The following DTNA variants were observed in gnomAD, a reference collection of about 807,000 sequenced individuals.
The protein encoded by DTNA is dystrophin-related protein 3.
In DTNA, 43 loss-of-function variants were observed where a neutral mutation model predicts 100.7. The ratio of observed to expected loss-of-function variants is 0.43; its 90% CI spans 0.33 to 0.55. The LOEUF is 0.55. Ranked by LOEUF, DTNA falls within the 20% of genes least tolerant of loss-of-function variation. The pLI, the probability that DTNA is intolerant of heterozygous loss-of-function variation, is 0.04. For missense variants in DTNA, 798 were observed against 953.9 expected (o/e 0.84, Z 2.15); for synonymous variants, 349 against 347.9 (o/e 1.00, Z -0.04).
intron 10 of DTNA, among the ~76,000 whole-genome samples, chr18:34,828,602 ATT>A (rs931051095): frequency 1.3e-5 from 2 of 151,992 alleles, no homozygotes. Context: ...AACACAGCTG[ATT>A]TTTTTTCCTC....
chr18:34,728,621 C>T (rs919695861), intron 1 of DTNA, among the ~76,000 whole-genome samples: 1 of 152,052 alleles, frequency 6.6e-6, no homozygotes, highest in Non-Finnish European at 1.5e-5. Flanking sequence ...GACTTGGGTA[C>T]AGTTGGCTGC....
At chr18:34,745,446 A>G (rs1471664348) in intron 1 of DTNA, among the ~76,000 whole-genome samples, 1 of 152,116 alleles carries the variant, frequency 6.6e-6, no homozygotes, top group Non-Finnish European at 1.5e-5. Flanking sequence ...ACTCTTTCTA[A>G]TATCTTCAAA....
chr18:34,741,025 G>A, intron 1 of DTNA, among the ~76,000 whole-genome samples: 1 of 152,114 alleles, frequency 6.6e-6, no homozygotes, highest in African/African-American at 2.4e-5. Context: ...TAACTTGGTG[G>A]AATTATAATA....
At chr18:34,540,340 T>G (rs576384737) in intron 1 of DTNA, among the ~76,000 whole-genome samples, 18 of 152,150 alleles carry the variant, frequency 1.2e-4, no homozygotes, top group African/African-American at 4.3e-4. Context: ...ATGTAGCTCC[T>G]AATAGTGGAT....
intron 1 of DTNA, among the ~76,000 whole-genome samples, chr18:34,664,902 C>CT (rs201334311): frequency 1.3e-5 from 2 of 151,762 alleles, no homozygotes. Context: ...TATGGGATCC[C>CT]TTTTTTTAAC....
intron 17 of DTNA, chr18:34,868,850 T>G (rs2096735700): frequency 1.2e-6 from 1 of 850,678 alleles, no homozygotes; most frequent in South Asian, 5.4e-5. Flanking sequence ...TTGTGTATCT[T>G]TAAGATTTAT....
chr18:34,657,002 G>A (rs958221624), intron 1 of DTNA, among the ~76,000 whole-genome samples: 3 of 151,894 alleles, frequency 2.0e-5, no homozygotes, highest in African/African-American at 4.8e-5. Context: ...TCAGCCTTCC[G>A]AGTACCTGGG....
At chr18:34,819,060 C>T (rs759727667) in intron 8 of DTNA, among the ~76,000 whole-genome samples, 3 of 152,156 alleles carry the variant, frequency 2.0e-5, no homozygotes, top group Non-Finnish European at 2.9e-5. Context: ...ATGTTGCCCT[C>T]GTGCATCTCT....
intron 1 of DTNA, among the ~76,000 whole-genome samples, chr18:34,640,644 C>G (rs1432271814): frequency 1.3e-5 from 2 of 152,208 alleles, no homozygotes; most frequent in African/African-American, 2.4e-5. Context: ...TTCTAGGCCT[C>G]TTGCTATTGG....
Position 34,535,201 on chromosome 18 carries a change from G to A in DTNA, c.-2+41687G>A, listed in dbSNP as rs561178321. On this transcript the variant is annotated intron_variant, in intron 1 of 19. Coordinates refer to the DTNA transcript ENST00000283365. ...ATTGTCATTCTAACTGGTGTGAGATGGTATCTCATTGTGGTTTTCATTTGC... is the reference window on the plus strand; with the variant it reads ...ATTGTCATTCTAACTGGTGTGAGATAGTATCTCATTGTGGTTTTCATTTGC... 1.8e-4 allele frequency among the ~76,000 whole-genome samples: 27 copies of A among 152,180 alleles called. No homozygotes were observed. The East Asian group carries it at 2.7e-3, about 15-fold the overall frequency.
chr18:34,694,648 TTCCAA>T (rs1183232059), intron 1 of DTNA, among the ~76,000 whole-genome samples: 4 of 152,198 alleles, frequency 2.6e-5, no homozygotes, highest in Admixed American at 1.3e-4. Flanking sequence ...GTATTTTTAC[TTCCAA>T]TCCTAGTTGG....
chr18:34,613,424 AAC>A (rs533990848), intron 1 of DTNA, among the ~76,000 whole-genome samples: 1 of 152,368 alleles, frequency 6.6e-6, no homozygotes, highest in South Asian at 2.1e-4. Context: ...TAAGTTAAGA[AAC>A]ACATGTTGAA....
Position 34,665,351 on chromosome 18 carries a change from T to A in DTNA, c.-1-90625T>A, listed in dbSNP as rs566322541. ...AATTGTGTCCAAATAACTGCTACAT[T>A]TGTATACAAATTTTTTATGAAAACA... On this transcript the variant is annotated intron_variant, in intron 1 of 19. Transcript: ENST00000283365. Among the ~76,000 whole-genome samples, 26 of 152,276 alleles carry A rather than the reference T, an allele frequency of 1.7e-4. No individual in the cohort carries two copies. The South Asian group carries it at 4.6e-3, about 27-fold the overall frequency.
Position 34,820,669 on chromosome 18 carries a change from A to C in DTNA, c.877-122A>C, listed in dbSNP as rs539031595. On this transcript the variant is annotated intron_variant, in intron 8 of 22. Transcript: ENST00000444659. ...GAGCATTGAGCAAACTTCCAGACTC[A>C]GAATCAGCACTGAAAAAGGATTTCT... The C allele has an allele frequency of 2.7e-6, 4 of 1,493,876 alleles. No homozygotes were observed. In the East Asian group the frequency reaches 9.7e-5, roughly 36 times the overall value. The allele number at this position is 1,493,876 out of a possible 1,614,324, so 92.5% of individuals were successfully genotyped here. A position where few individuals can be genotyped will look rare whatever the true frequency, so the allele number is the denominator to read the frequency against.
chr18:34,775,978 A>G (rs1411680597), intron 3 of DTNA, among the ~76,000 whole-genome samples: 1 of 152,200 alleles, frequency 6.6e-6, no homozygotes, highest in Non-Finnish European at 1.5e-5. Context: ...ATGGACCTGC[A>G]CTCCAGTGAC....
At chr18:34,569,091 T>A (rs1235159978) in intron 1 of DTNA, among the ~76,000 whole-genome samples, 2 of 152,194 alleles carry the variant, frequency 1.3e-5, no homozygotes, top group Admixed American at 6.5e-5. Context: ...ATTGTGCCCC[T>A]ACCTTCTGTG....
At chr18:34,544,045 T>A (rs890993393) in intron 1 of DTNA, among the ~76,000 whole-genome samples, 2 of 152,072 alleles carry the variant, frequency 1.3e-5, no homozygotes, top group African/African-American at 4.8e-5. Context: ...AGTTAGTAGG[T>A]GTTAGTACAG....
At chr18:34,658,896 A>G (rs564234898) in intron 1 of DTNA, among the ~76,000 whole-genome samples, 1 of 152,354 alleles carries the variant, frequency 6.6e-6, no homozygotes, top group Admixed American at 6.5e-5. Flanking sequence ...AATATGGCTA[A>G]CACTCTTTCT....
At chr18:34,612,984 T>G (rs1260920750) in intron 1 of DTNA, among the ~76,000 whole-genome samples, 4 of 152,214 alleles carry the variant, frequency 2.6e-5, no homozygotes, top group African/African-American at 9.7e-5. Flanking sequence ...ATACTGTAAT[T>G]TTTTTACAAA....
Sources: allele counts gnomAD v4.1 joint callset (sites outside exome capture counted in the v4.1 genomes callset), GRCh38; gene constraint gnomAD v4.1.1; transcripts MANE v1.5; gene names NCBI Gene and HGNC (gene_info 2026-07-23, HGNC 2026-07-21).